The following GTF2IRD1 variants were observed in gnomAD, a reference collection of about 807,000 sequenced individuals.
GTF2IRD1 encodes general transcription factor II-I repeat domain-containing protein 1.
Under a neutral mutation model 113.2 loss-of-function variants are expected in GTF2IRD1, and 26 were observed. The ratio of observed to expected loss-of-function variants is 0.23; its 90% confidence interval spans 0.17 to 0.32. The LOEUF (loss-of-function observed/expected upper bound fraction) is 0.32, where lower values mean the gene tolerates loss of function less well. GTF2IRD1 is among the 10% of genes least tolerant of loss of function. GTF2IRD1 has a pLI of 1.00. For synonymous variants in GTF2IRD1, 484 were observed against 529.1 expected (o/e 0.91, Z 1.17); for missense variants, 864 against 1,280.8 (o/e 0.67, Z 4.97).
In GTF2IRD1 at chr7:74,533,204, G is replaced by A. The variant is rs587767863; in HGVS notation, c.1275-1909G>A. Among the ~76,000 whole-genome samples, 5 of 148,292 alleles carry A rather than the reference G, an allele frequency of 3.4e-5. No homozygotes were observed. The East Asian group carries it at 5.9e-4, about 18-fold the overall frequency. Reference sequence around the variant, plus strand: ...GGCTGGAGTGCAGTGGTGCTATGTCGGCTCACTGAAACCTCCGCCTCTCAG... The same window carrying A: ...GGCTGGAGTGCAGTGGTGCTATGTCAGCTCACTGAAACCTCCGCCTCTCAG... On this transcript the variant is annotated intron_variant, in intron 9 of 26. Transcript: ENST00000424337.
chr7:74,508,639 C>T (rs1796436204), intron 2 of GTF2IRD1, among the ~76,000 whole-genome samples: 1 of 149,388 alleles, frequency 6.7e-6, no homozygotes. Context: ...TGCAGTGAGC[C>T]GAGGTCGTGC....
At chr7:74,462,335 C>T (rs1793426219) in intron 1 of GTF2IRD1, among the ~76,000 whole-genome samples, 1 of 152,172 alleles carries the variant, frequency 6.6e-6, no homozygotes, top group Non-Finnish European at 1.5e-5. Flanking sequence ...GTTTTTGAAG[C>T]CCGTTTGTTC....
chr7:74,511,072 C>T (rs1796605215), intron 2 of GTF2IRD1, among the ~76,000 whole-genome samples: 1 of 151,618 alleles, frequency 6.6e-6, no homozygotes, highest in Non-Finnish European at 1.5e-5. Flanking sequence ...AAAAGTTCTA[C>T]TTGGCAGCAG....
At chr7:74,520,769 C>CAAA (rs1156355118) in intron 6 of GTF2IRD1, among the ~76,000 whole-genome samples, 1 of 48,488 alleles carries the variant, frequency 2.1e-5, no homozygotes. Flanking sequence ...CTATCTCTAC[C>CAAA]AAAAAAAAAA....
intron 20 of GTF2IRD1, among the ~76,000 whole-genome samples, chr7:74,558,642 G>A (rs1478441889): frequency 1.3e-5 from 2 of 151,926 alleles, no homozygotes; most frequent in Non-Finnish European, 1.5e-5. Context: ...CTGGGATTAC[G>A]GGCATAAGCC....
chr7:74,594,708 T>C lies in GTF2IRD1; in HGVS notation c.2592-306T>C, dbSNP rs139945820. Among the ~76,000 whole-genome samples the C allele has an allele frequency of 5.3e-5, 8 of 152,006 alleles. No homozygotes were observed. In the East Asian group the frequency reaches 1.6e-3, roughly 29 times the overall value. ...TGGCTCATGCCTGTATCCCAGCACT[T>C]TGGGAGGTGGAGGCAGGCAGATCAC... is the stretch of plus-strand genomic sequence containing the variant. On this transcript the variant is annotated intron_variant, in intron 24 of 26. Transcript: ENST00000424337.
chr7:74,584,788 G>T (rs1211245426), intron 22 of GTF2IRD1, among the ~76,000 whole-genome samples: 2 of 151,958 alleles, frequency 1.3e-5, no homozygotes, highest in Non-Finnish European at 2.9e-5. Context: ...TTTTTTGTTT[G>T]TTTGGGTTTT....
At chr7:74,475,538 C>G (rs1554333381) in intron 1 of GTF2IRD1, among the ~76,000 whole-genome samples, 1 of 152,146 alleles carries the variant, frequency 6.6e-6, no homozygotes, top group African/African-American at 2.4e-5. Flanking sequence ...TTGCTGTACC[C>G]TAGGGAGGGG....
intron 1 of GTF2IRD1, among the ~76,000 whole-genome samples, chr7:74,484,134 T>C (rs1186872112): frequency 1.3e-5 from 2 of 152,236 alleles, no homozygotes; most frequent in African/African-American, 4.8e-5. Flanking sequence ...ATTAGGAATG[T>C]TCCCTTGTGT....
At chr7:74,468,661 C>CAAAAA (rs563484086) in intron 1 of GTF2IRD1, among the ~76,000 whole-genome samples, 7 of 81,576 alleles carry the variant, frequency 8.6e-5, no homozygotes, top group African/African-American at 3.3e-4. Flanking sequence ...ACTCCATCTC[C>CAAAAA]AAAAAAAAAA....
rs1339285770 is a variant in GTF2IRD1, at chr7:74,555,917, T to C, written c.2023+423T>C. Among the ~76,000 whole-genome samples, 1 of 152,112 alleles carries C rather than the reference T, an allele frequency of 6.6e-6. No homozygotes were observed. Among genetic ancestry groups the C allele is most frequent in the African/African-American group, 2.4e-5 (1 of 41,428 alleles). On this transcript the variant is annotated intron_variant, in intron 19 of 26. Transcript: ENST00000424337. The surrounding 1 kb of genome is among the most constrained non-coding windows in gnomAD (Gnocchi z 5.3). ...TGAGGCTGGGAGCTCGAGACAAGCC[T>C]GGACAACATAGAACCCGTCTCTATG...
At chr7:74,558,343 G>GTTTTTTTTTTTTTT (rs1562868915) in intron 20 of GTF2IRD1, among the ~76,000 whole-genome samples, 1 of 74,010 alleles carries the variant, frequency 1.4e-5, no homozygotes, top group African/African-American at 5.1e-5. Flanking sequence ...TTTTTCTTTC[G>GTTTTTTTTTTTTTT]TTTCTTTTTT....
At chr7:74,563,473 AG>A (rs1800102976) in intron 22 of GTF2IRD1, among the ~76,000 whole-genome samples, 1 of 151,998 alleles carries the variant, frequency 6.6e-6, no homozygotes, top group South Asian at 2.1e-4. Context: ...GCTACTCGGG[AG>A]GCTGAGGCAG....
At chr7:74,513,119 TGTG>T in intron 3 of GTF2IRD1, 148 bp downstream of exon 3, 1 of 766,488 alleles carries the variant, frequency 1.3e-6, no homozygotes, top group Non-Finnish European at 2.1e-6. Context: ...AGATTCCCGA[TGTG>T]GTGTTATTGA....
chr7:74,518,375 C>A, intron 5 of GTF2IRD1, 53 bp downstream of exon 5: 1 of 1,444,056 alleles, frequency 6.9e-7, no homozygotes, highest in Non-Finnish European at 9.3e-7. Flanking sequence ...AGGGCCGGGT[C>A]AGGGCCGGGG....
At chr7:74,483,467 G>T (rs1431230713) in intron 1 of GTF2IRD1, among the ~76,000 whole-genome samples, 2 of 152,122 alleles carry the variant, frequency 1.3e-5, no homozygotes, top group African/African-American at 4.8e-5. Flanking sequence ...AATCGCTTGA[G>T]CCCAGGAATT....
chr7:74,563,768 C>A (rs1800122136), intron 22 of GTF2IRD1, among the ~76,000 whole-genome samples: 1 of 151,970 alleles, frequency 6.6e-6, no homozygotes, highest in Non-Finnish European at 1.5e-5. Context: ...CACCTGTAGT[C>A]TCAGCTACTC....
chr7:74,497,006 T>C (rs371456781), intron 1 of GTF2IRD1, among the ~76,000 whole-genome samples: 1 of 151,652 alleles, frequency 6.6e-6, no homozygotes. Context: ...TACAAAAAAA[T>C]TTAAAATTAG....
chr7:74,514,700 A>T (rs1310255198), intron 3 of GTF2IRD1, among the ~76,000 whole-genome samples: 2 of 151,686 alleles, frequency 1.3e-5, no homozygotes, highest in Non-Finnish European at 2.9e-5. Context: ...GGTGCCTCCC[A>T]ACCCTCTGCC....
Sources: gnomAD v4.1 joint callset for allele counts (sites outside exome capture counted in the v4.1 genomes callset) on GRCh38, gnomAD v4.1.1 for gene constraint, Gnocchi (gnomAD v3.1) non-coding constraint, MANE v1.5 for transcripts, NCBI Gene and HGNC (gene_info 2026-07-23, HGNC 2026-07-21) for gene names.